Variants in STAU2 observed in about 807,000 individuals in gnomAD.
The protein encoded by STAU2 is staufen double-stranded RNA binding protein 2.
Under a neutral mutation model 65.9 loss-of-function variants are expected in STAU2, and 20 were observed. The ratio of observed to expected loss-of-function variants is 0.30; its 90% CI spans 0.21 to 0.44. The LOEUF is 0.44. Ranked by LOEUF, STAU2 falls within the 20% of genes least tolerant of loss-of-function variation. The probability of loss-of-function intolerance (pLI) is 1.00; values close to 1 mark genes in which losing one functional copy is unlikely to be tolerated. For missense variants in STAU2, 558 were observed against 683.9 expected (o/e 0.82, Z 2.05); for synonymous variants, 232 against 233.9 (o/e 0.99, Z 0.07).
chr8:73,621,654 T>C (rs924283081), intron 6 of STAU2, among the ~76,000 whole-genome samples: 5 of 152,184 alleles, frequency 3.3e-5, no homozygotes, highest in African/African-American at 7.2e-5. Flanking sequence ...GGTCAAATGG[T>C]TGCATTTCTT....
intron 3 of STAU2, among the ~76,000 whole-genome samples, chr8:73,712,206 T>G (rs1586327404): frequency 6.6e-6 from 1 of 152,174 alleles, no homozygotes; most frequent in Non-Finnish European, 1.5e-5. Flanking sequence ...TAGTTTGAAA[T>G]AGTCTTCAAG....
chr8:73,576,874 T>C (rs1809599174), intron 12 of STAU2, among the ~76,000 whole-genome samples: 2 of 152,212 alleles, frequency 1.3e-5, no homozygotes, highest in African/African-American at 4.8e-5. Flanking sequence ...TAGTTCTTAA[T>C]ACTTCAACTT....
intron 12 of STAU2, among the ~76,000 whole-genome samples, chr8:73,574,305 G>C (rs913608030): frequency 6.6e-6 from 1 of 152,220 alleles, no homozygotes; most frequent in African/African-American, 2.4e-5. Flanking sequence ...TACACTGTAG[G>C]TGGGACTGTA....
intron 13 of STAU2, among the ~76,000 whole-genome samples, chr8:73,463,510 T>C (rs551507451): frequency 6.6e-6 from 1 of 152,358 alleles, no homozygotes; most frequent in African/African-American, 2.4e-5. Flanking sequence ...TTACAGAAGC[T>C]GGTGTTACTA....
At chr8:73,656,179 A>C (rs1816356252) in intron 6 of STAU2, among the ~76,000 whole-genome samples, 1 of 152,232 alleles carries the variant, frequency 6.6e-6, no homozygotes, top group Admixed American at 6.5e-5. Context: ...CTAAGAAAGA[A>C]TATTTCTTAC....
intron 3 of STAU2, among the ~76,000 whole-genome samples, chr8:73,721,632 T>C (rs1210380641): frequency 6.6e-6 from 1 of 152,224 alleles, no homozygotes; most frequent in Non-Finnish European, 1.5e-5. Flanking sequence ...TCCTCTTAAC[T>C]GACCTCTTTA....
chr8:73,639,334 T>C (rs1316029276), intron 6 of STAU2, among the ~76,000 whole-genome samples: 1 of 152,128 alleles, frequency 6.6e-6, no homozygotes. Context: ...TCATGGAGAA[T>C]GTATACAATT....
intron 6 of STAU2, among the ~76,000 whole-genome samples, chr8:73,637,537 G>A (rs539530608): frequency 7.3e-5 from 9 of 122,482 alleles, no homozygotes; most frequent in East Asian, 5.1e-4. Context: ...TGTCAACTCC[G>A]AATTCTATAT....
intron 13 of STAU2, among the ~76,000 whole-genome samples, chr8:73,457,201 C>A (rs1304321642): frequency 1.4e-5 from 2 of 148,020 alleles, no homozygotes; most frequent in Non-Finnish European, 3.0e-5. Context: ...CTAAAGAGAT[C>A]TACCCCAGCT....
intron 4 of STAU2, among the ~76,000 whole-genome samples, chr8:73,703,811 G>A (rs930291321): frequency 1.3e-5 from 2 of 152,174 alleles, no homozygotes; most frequent in South Asian, 2.1e-4. Context: ...CAGGTACAAA[G>A]AGAGATGATT....
At chr8:73,477,631 C>G (rs1211981114) in intron 13 of STAU2, among the ~76,000 whole-genome samples, 3 of 152,160 alleles carry the variant, frequency 2.0e-5, no homozygotes, top group African/African-American at 7.2e-5. Context: ...TTGCCATAGT[C>G]AGGCTAAAGA....
rs1048316544 is a variant in STAU2, at chr8:73,430,415, C to T, written c.1531-7713G>A. Among the ~76,000 whole-genome samples, 17 of 152,184 alleles carry T rather than the reference C, an allele frequency of 1.1e-4. 1 individual carries two copies. The highest frequency in any genetic ancestry group is 8.5e-4 in the Admixed American group (13 of 15,272). ...CTCAGAGCGGCTGCCTCCCTGCTCA[C>T]CATGAGCTCAAGGAATCAGGGCTCT... On this transcript the variant is annotated intron_variant, in intron 13 of 14. Transcript: ENST00000524300.
chr8:73,555,193 G>A (rs573491462), intron 12 of STAU2, among the ~76,000 whole-genome samples: 1 of 152,294 alleles, frequency 6.6e-6, no homozygotes, highest in South Asian at 2.1e-4. Flanking sequence ...TGGAGATGAC[G>A]ATGACAGTAA....
intron 13 of STAU2, among the ~76,000 whole-genome samples, chr8:73,451,998 G>T (rs1036039818): frequency 6.6e-6 from 1 of 152,180 alleles, no homozygotes; most frequent in African/African-American, 2.4e-5. Context: ...TCCACAGAAG[G>T]ATCAGCTTCT....
At chr8:73,740,792 G>A (rs1402415391) in intron 1 of STAU2, among the ~76,000 whole-genome samples, 2 of 152,122 alleles carry the variant, frequency 1.3e-5, no homozygotes, top group Admixed American at 6.5e-5. Flanking sequence ...CCTGAGGTCA[G>A]GAGTTCAAGA....
At chr8:73,728,984 G>A (rs895991702) in intron 3 of STAU2, among the ~76,000 whole-genome samples, 14 of 152,080 alleles carry the variant, frequency 9.2e-5, no homozygotes, top group African/African-American at 2.9e-4. Context: ...ATGGGTATCC[G>A]TGCCTTGTTC....
chr8:73,510,641 G>A (rs190495131), intron 13 of STAU2, among the ~76,000 whole-genome samples: 9 of 152,268 alleles, frequency 5.9e-5, no homozygotes, highest in African/African-American at 1.4e-4. Flanking sequence ...CAATCACGGC[G>A]GAAGGGGAAG....
intron 6 of STAU2, among the ~76,000 whole-genome samples, chr8:73,663,649 CTAT>C (rs1388983579): frequency 3.3e-5 from 5 of 151,486 alleles, no homozygotes; most frequent in Non-Finnish European, 7.4e-5. Context: ...AAAAACTCTA[CTAT>C]GATTTTTGTT....
At chr8:73,481,528 A>AAAACCAAAAAAAACC (rs1554595570) in intron 13 of STAU2, among the ~76,000 whole-genome samples, 6 of 145,450 alleles carry the variant, frequency 4.1e-5, no homozygotes, top group African/African-American at 5.1e-5. Context: ...AAAAAAAAAA[A>AAAACCAAAAAAAACC]CACTTTTTTT....
Sources: gnomAD v4.1 joint callset for allele counts (sites outside exome capture counted in the v4.1 genomes callset) on GRCh38, gnomAD v4.1.1 for gene constraint, MANE v1.5 for transcripts, NCBI Gene and HGNC (gene_info 2026-07-23, HGNC 2026-07-21) for gene names.